The following TMTC2 variants were observed in gnomAD, a reference collection of about 807,000 sequenced individuals.
TMTC2 encodes transmembrane O-mannosyltransferase targeting cadherins 2, also known as protein O-mannosyl-transferase TMTC2.
TMTC2 carries 43 observed loss-of-function variants against 82.4 expected under a neutral mutation model. The observed-to-expected ratio is 0.52, with a 90% CI of 0.41 to 0.67. The LOEUF (loss-of-function observed/expected upper bound fraction) is 0.67, where lower values mean the gene tolerates loss of function less well. Ranked by LOEUF, TMTC2 falls within the 30% of genes least tolerant of loss-of-function variation. TMTC2 has a pLI of 0.00. For missense variants in TMTC2, 919 were observed against 1,012.4 expected, an observed-to-expected ratio of 0.91 and a Z score of 1.25; for synonymous variants, 408 against 381.9, an observed-to-expected ratio of 1.07 and a Z score of -0.80.
At chr12:83,050,227 A>T (rs1055424613) in intron 9 of TMTC2, among the ~76,000 whole-genome samples, 6 of 152,186 alleles carry the variant, frequency 3.9e-5, no homozygotes, top group African/African-American at 4.8e-5. Flanking sequence ...AATCTCAATT[A>T]AAAAAGTGGC....
chr12:82,916,875 A>T (rs181358872), intron 3 of TMTC2, among the ~76,000 whole-genome samples: 5 of 152,250 alleles, frequency 3.3e-5, no homozygotes, highest in Admixed American at 3.3e-4. Flanking sequence ...AGAATTACAT[A>T]TAAGTACATA....
chr12:82,717,086 C>T (rs960483422), intron 1 of TMTC2, among the ~76,000 whole-genome samples: 2 of 152,132 alleles, frequency 1.3e-5, no homozygotes. Context: ...TATATATCAC[C>T]TCTGCCTTTG....
chr12:82,850,913 A>G (rs1338995972), intron 1 of TMTC2, among the ~76,000 whole-genome samples: 1 of 151,818 alleles, frequency 6.6e-6, no homozygotes. Context: ...AAAATACAAA[A>G]ATTAGCTGGG....
At chr12:82,991,525 C>T (rs896898292) in intron 8 of TMTC2, among the ~76,000 whole-genome samples, 10 of 152,170 alleles carry the variant, frequency 6.6e-5, no homozygotes, top group East Asian at 1.9e-4. Flanking sequence ...ACAAAAATTT[C>T]GGGGTATCCT....
chr12:82,894,341 C>T (rs541435790), intron 2 of TMTC2, among the ~76,000 whole-genome samples: 1 of 152,270 alleles, frequency 6.6e-6, no homozygotes, highest in African/African-American at 2.4e-5. Flanking sequence ...AGTTCTGTGG[C>T]TTCCAGCAAT....
chr12:82,940,652 G>A (rs1876668070), intron 4 of TMTC2, among the ~76,000 whole-genome samples: 1 of 149,616 alleles, frequency 6.7e-6, no homozygotes, highest in Non-Finnish European at 1.5e-5. Context: ...TACTATTTGT[G>A]CTGCCTGCAA....
At chr12:82,721,733 T>C (rs1200356606) in intron 1 of TMTC2, among the ~76,000 whole-genome samples, 2 of 152,218 alleles carry the variant, frequency 1.3e-5, no homozygotes. Flanking sequence ...TATGGAAAAG[T>C]CAGTGTCTTG....
intron 1 of TMTC2, among the ~76,000 whole-genome samples, chr12:82,783,323 TGA>T (rs1878003761): frequency 8.7e-6 from 1 of 115,204 alleles, no homozygotes; most frequent in Non-Finnish European, 1.7e-5. Context: ...TGTGTGTGTC[TGA>T]GAGAGAGGGG....
Position 82,857,525 on chromosome 12 carries a change from A to G in TMTC2, c.599A>G (p.Asp200Gly). Residue 200 changes from aspartate to glycine, a missense_variant, in exon 2 of 12, where the codon GAT (aspartate) becomes GGT (glycine). By Grantham distance (94) the Asp-to-Gly change is moderately conservative. Coordinates refer to ENST00000321196, the MANE Select transcript of TMTC2 (RefSeq NM_152588.3). ...VTVLAVSAVYDVFVFHRLKIK... is the reference protein window; with the variant it reads ...VTVLAVSAVYGVFVFHRLKIK... ...GTTCTCGCAGTTTCAGCAGTTTATG[A>G]TGTCTTTGTCTTTCACAGGCTGAAA... 1.2e-6 allele frequency: 2 copies of G among 1,613,650 alleles called. No individual in the cohort carries two copies. Among genetic ancestry groups the G allele is most frequent in the Non-Finnish European group, 1.7e-6 (2 of 1,179,912 alleles).
At chr12:82,913,335 GT>G (rs958667768) in intron 3 of TMTC2, among the ~76,000 whole-genome samples, 1 of 152,062 alleles carries the variant, frequency 6.6e-6, no homozygotes, top group Non-Finnish European at 1.5e-5. Flanking sequence ...TCATACTTTG[GT>G]TTTGGCTTTT....
At chr12:82,950,181 G>C (rs1356579108) in intron 4 of TMTC2, among the ~76,000 whole-genome samples, 1 of 152,046 alleles carries the variant, frequency 6.6e-6, no homozygotes, top group Non-Finnish European at 1.5e-5. Context: ...CATTATCATG[G>C]ACAAATTATT....
intron 11 of TMTC2, among the ~76,000 whole-genome samples, chr12:83,103,643 CA>C (rs1364058556): frequency 1.3e-5 from 2 of 152,162 alleles, no homozygotes; most frequent in Non-Finnish European, 2.9e-5. Flanking sequence ...GATTACATTT[CA>C]ACATGAGATT....
chr12:83,015,304 T>A (rs186588136), intron 8 of TMTC2, among the ~76,000 whole-genome samples: 122 of 152,322 alleles, frequency 8.0e-4, no homozygotes, highest in African/African-American at 2.8e-3. Context: ...TAGCAGTTGT[T>A]GTGCAAGGAA....
At chr12:82,819,027 C>G (rs189852551) in intron 1 of TMTC2, among the ~76,000 whole-genome samples, 56 of 151,878 alleles carry the variant, frequency 3.7e-4, no homozygotes, top group Admixed American at 3.0e-3. Context: ...CTACCTTTTC[C>G]TAATAATTAG....
chr12:82,950,238 AATTGCT>A, intron 4 of TMTC2, among the ~76,000 whole-genome samples: 1 of 152,266 alleles, frequency 6.6e-6, no homozygotes, highest in East Asian at 1.9e-4. Context: ...AAAGAATAAT[AATTGCT>A]ATTGCTAATT....
At chr12:82,855,064 C>G (rs1030343589) in intron 1 of TMTC2, among the ~76,000 whole-genome samples, 5 of 152,092 alleles carry the variant, frequency 3.3e-5, no homozygotes, top group Admixed American at 1.3e-4. Context: ...ATATAGAAGA[C>G]AAATGAACAA....
chr12:82,869,934 A>G (rs1042165723), intron 2 of TMTC2, among the ~76,000 whole-genome samples: 4 of 152,146 alleles, frequency 2.6e-5, no homozygotes, highest in Admixed American at 2.0e-4. Context: ...GAGGAGAGAC[A>G]ACGGTATATT....
chr12:83,005,711 C>G (rs1753021763), intron 8 of TMTC2, among the ~76,000 whole-genome samples: 2 of 152,104 alleles, frequency 1.3e-5, no homozygotes, highest in African/African-American at 4.8e-5. Context: ...GGGGTTTTGG[C>G]GGGGAATTGC....
intron 1 of TMTC2, among the ~76,000 whole-genome samples, chr12:82,701,770 A>G (rs1022493624): frequency 6.6e-6 from 1 of 151,872 alleles, no homozygotes; most frequent in African/African-American, 2.4e-5. Context: ...AAAAAAAAAA[A>G]AAAGAAAAAA....
Sources: gnomAD v4.1 joint callset for allele counts (sites outside exome capture counted in the v4.1 genomes callset) on GRCh38, gnomAD v4.1.1 for gene constraint, MANE v1.5 for transcripts, NCBI Gene and HGNC (gene_info 2026-07-23, HGNC 2026-07-21) for gene names.